Variants in CENPF observed in about 807,000 individuals in gnomAD.
CENPF encodes the protein AH antigen.
CENPF carries 214 observed loss-of-function variants against 307.3 expected under a neutral mutation model. The ratio of observed to expected loss-of-function variants is 0.70; its 90% confidence interval spans 0.62 to 0.78. The LOEUF is 0.78. CENPF is among the 30% of genes least tolerant of loss of function. The pLI, the probability that CENPF is intolerant of heterozygous loss-of-function variation, is 0.00. For synonymous variants in CENPF, 1,259 were observed against 1,270.6 expected, an observed-to-expected ratio of 0.99 and a Z score of 0.19; for missense variants, 3,401 against 3,483.9, an observed-to-expected ratio of 0.98 and a Z score of 0.60.
intron 19 of CENPF, 70 bp from the exon 20 acceptor site, chr1:214,663,521 A>G: frequency 1.4e-6 from 2 of 1,437,750 alleles, no homozygotes; most frequent in Non-Finnish European, 1.9e-6. Context: ...TTAGTGACAT[A>G]GTGCTTTATT....
In CENPF at chr1:214,637,966, T is replaced by C. The variant is rs1298659561; in HGVS notation, c.1547T>C (p.Leu516Ser). 1 of 1,611,730 alleles carries C rather than the reference T, an allele frequency of 6.2e-7. No homozygotes were observed. Among genetic ancestry groups the C allele is most frequent in the Non-Finnish European group, 8.5e-7 (1 of 1,179,570 alleles). ...EAELKNIKQC[L>S]NQSQNFAEEM... ...GAACTCAAGAACATCAAACAGTGTT[T>C]AAATCAGAGCCAGAATTTTGCAGAA... is the stretch of plus-strand genomic sequence containing the variant. Residue 516 changes from leucine (L) to serine (S), a missense_variant, in exon 11 of 20, where the codon TTA (leucine) becomes TCA (serine). Transcript: ENST00000366955.
At chr1:214,609,517 C>G (rs1386032011) in intron 1 of CENPF, among the ~76,000 whole-genome samples, 1 of 151,934 alleles carries the variant, frequency 6.6e-6, no homozygotes, top group Non-Finnish European at 1.5e-5. Flanking sequence ...TGCAGAATAT[C>G]TTGTCATGCA....
Position 214,650,571 on chromosome 1 carries a change from C to A in CENPF, c.7984-1139C>A, listed in dbSNP as rs550460468. Reference sequence around the variant, plus strand: ...TGATAAGGCAAACACCCAGGGGGGTCTCATGTTCTGGAAATCAAGAGGAAG... The same window carrying A: ...TGATAAGGCAAACACCCAGGGGGGTATCATGTTCTGGAAATCAAGAGGAAG... On this transcript the variant is annotated intron_variant, in intron 14 of 19. Coordinates refer to ENST00000366955, the MANE Select transcript of CENPF (RefSeq NM_016343.4). Among the ~76,000 whole-genome samples the A allele has an allele frequency of 2.2e-4, 33 of 152,120 alleles. 1 individual carries two copies. In the South Asian group the frequency reaches 6.7e-3, roughly 31 times the overall value.
At chr1:214,661,001 CA>C (rs1658774182) in intron 19 of CENPF, among the ~76,000 whole-genome samples, 1 of 152,158 alleles carries the variant, frequency 6.6e-6, no homozygotes, top group South Asian at 2.1e-4. Context: ...CATCACAAGT[CA>C]TTTTTTTTCT....
rs78873938 is a variant in CENPF at position 214,648,029 on chromosome 1, G to A, written c.7830+629G>A. ...AATTATTAAAGAAAAATTAAGTTTT[G>A]GCCCAGTGAGCTTACTTAGTGATCT... On this transcript the variant is annotated intron_variant, in intron 13 of 19. Coordinates refer to ENST00000366955, the MANE Select transcript of CENPF (RefSeq NM_016343.4). 1,721 of 468,890 alleles carry A rather than the reference G, an allele frequency of 3.7e-3. 28 individuals are homozygous for A. Among genetic ancestry groups the A allele is most frequent in the African/African-American group, 0.031 (1,595 of 50,904 alleles). The allele number at this position is 468,890 out of a possible 1,614,324, so 29.0% of individuals were successfully genotyped here. A position where few individuals can be genotyped will look rare whatever the true frequency, so the allele number is the denominator to read the frequency against.
In CENPF at chr1:214,658,987, G is replaced by T; in HGVS notation, c.9100G>T (p.Glu3034Ter). Residue 3034 changes from glutamate to a stop codon, truncating the protein, a stop_gained, in exon 19 of 20, where the codon GAG becomes TAG. Transcript: ENST00000366955. LOFTEE classifies it low-confidence loss of function (END_TRUNC). Reference sequence around the variant, plus strand: ...GAGTCTCGGCAAAGAAAATCTTGCAGAGTCCTCCAAACCAACAGCTGGTGG... The same window carrying T: ...GAGTCTCGGCAAAGAAAATCTTGCATAGTCCTCCAAACCAACAGCTGGTGG... ...PLSLGKENLA[E>*]SSKPTAGGSR... The T allele has an allele frequency of 6.2e-7, 1 of 1,614,114 alleles. No individual in the cohort carries two copies. Among genetic ancestry groups the T allele is most frequent in the East Asian group, 2.2e-5 (1 of 44,884 alleles).
chr1:214,638,107 A>T (rs1658012495), intron 11 of CENPF, 106 bp downstream of exon 11: 2 of 1,158,848 alleles, frequency 1.7e-6, no homozygotes, highest in Non-Finnish European at 2.4e-6. Context: ...TTTTTTTCAT[A>T]TATTCCCTCA....
At chr1:214,661,338 T>G (rs1571732130) in intron 19 of CENPF, among the ~76,000 whole-genome samples, 1 of 152,200 alleles carries the variant, frequency 6.6e-6, no homozygotes, top group East Asian at 1.9e-4. Context: ...AATTCAGCAT[T>G]TTCTGAGTTG....
chr1:214,656,880 G>C (rs1658647176), intron 17 of CENPF, 53 bp from the exon 18 acceptor site: 1 of 1,205,206 alleles, frequency 8.3e-7, no homozygotes, highest in Non-Finnish European at 1.2e-6. Flanking sequence ...GATGCCCATT[G>C]TTAACTAGAG....
chr1:214,613,447 A>G (rs975082363), intron 1 of CENPF: 3 of 212,588 alleles, frequency 1.4e-5, no homozygotes, highest in Admixed American at 5.9e-5. Flanking sequence ...ACTGAGCAAT[A>G]GAAAGCAGGT....
chr1:214,632,650 T>C (rs2102550433), intron 10 of CENPF, 48 bp downstream of exon 10: 2 of 1,602,682 alleles, frequency 1.2e-6, no homozygotes, highest in South Asian at 1.1e-5. Flanking sequence ...AAGAACCAAG[T>C]GCAAGGGGAA....
At position 214,620,668 on chromosome 1, in the gene CENPF, C is replaced by G. The variant is rs1345684085; in HGVS notation, c.587C>G (p.Thr196Ser). ...CTGTTTCTACAGAAAGCAAGCCAGA[C>G]TCTTCCACAAGCCACCATGAATCAC... ...KALQAKKASQ[T>S]LPQATMNHRD... is the part of the protein sequence containing the mutation. The change falls in exon 6 of 20, where the codon ACT becomes AGT. Residue 196 changes from threonine (T) to serine (S), a missense_variant. Transcript: ENST00000366955. 1 of 1,612,718 alleles carries G rather than the reference C, an allele frequency of 6.2e-7. No individual in the cohort carries two copies. The highest frequency in any genetic ancestry group is 8.5e-7 in the Non-Finnish European group (1 of 1,179,544).
chr1:214,637,247 A>G lies in CENPF; in HGVS notation c.1447-619A>G, dbSNP rs570621517. On this transcript the variant is annotated intron_variant, in intron 10 of 19. Transcript: ENST00000366955. ...AGCATATCCTATTGTGTATTAAATG[A>G]TTAGTATCACATCTTCCCCCACTGG... Among the ~76,000 whole-genome samples, 15 of 152,346 alleles carry G rather than the reference A, an allele frequency of 9.8e-5. No homozygotes were observed. The South Asian group carries it at 1.9e-3, about 19-fold the overall frequency.
chr1:214,643,402 A>G (rs952314728), intron 12 of CENPF, 78 bp downstream of exon 12: 11 of 1,210,840 alleles, frequency 9.1e-6, no homozygotes, highest in Non-Finnish European at 1.1e-5. Flanking sequence ...TCTAATTGAA[A>G]TGTACATTAA....
chr1:214,660,066 A>C (rs745835738), intron 19 of CENPF, among the ~76,000 whole-genome samples: 6 of 152,276 alleles, frequency 3.9e-5, no homozygotes, highest in Admixed American at 2.0e-4. Flanking sequence ...AAATATGAAC[A>C]CATTGGTGGT....
intron 18 of CENPF, among the ~76,000 whole-genome samples, chr1:214,658,369 G>A (rs533042550): frequency 2.0e-5 from 3 of 151,990 alleles, no homozygotes; most frequent in Non-Finnish European, 1.5e-5. Context: ...AGAAAGGTCA[G>A]TTTCTCTCCT....
chr1:214,664,119 TA>T lies in CENPF; in HGVS notation c.*332del, dbSNP rs1244964987. The T allele has an allele frequency of 2.5e-4, 48 of 191,004 alleles. No homozygotes were observed. The highest frequency in any genetic ancestry group is 3.4e-4 in the Non-Finnish European group (32 of 94,342). 11.8% of individuals were successfully genotyped at this position (191,004 alleles called of 1,614,324 possible). A position where few individuals can be genotyped will look rare whatever the true frequency, so the allele number is the denominator to read the frequency against. ...CTCTGTTTGTATGTGGGTTTTACACTAAAAAAATGCAAAACACATTTTATTC... is the reference window on the plus strand; with the variant it reads ...CTCTGTTTGTATGTGGGTTTTACACTAAAAAATGCAAAACACATTTTATTC... On this transcript the variant is annotated 3_prime_UTR_variant, in exon 20 of 20. Transcript: ENST00000366955.
chr1:214,642,738 G>A lies in CENPF; in HGVS notation c.4400G>A (p.Gly1467Asp), dbSNP rs1658161875. 2 of 1,614,138 alleles carry A rather than the reference G, an allele frequency of 1.2e-6. No homozygotes were observed. Among genetic ancestry groups the A allele is most frequent in the African/African-American group, 2.7e-5 (2 of 75,056 alleles). ...QGDLVKEMQL[G>D]LEEGLVPSLS... ...GACTTGGTGAAGGAGATGCAGCTGG[G>A]CTTGGAGGAGGGGCTCGTTCCATCC... Residue 1467 changes from glycine to aspartate, a missense_variant, in exon 12 of 20, where the codon GGC becomes GAC. Gly to Asp is a moderately conservative substitution (Grantham distance 94). Transcript: ENST00000366955.
intron 11 of CENPF, among the ~76,000 whole-genome samples, chr1:214,638,346 C>G (rs1195289617): frequency 1.4e-4 from 21 of 152,194 alleles, no homozygotes; most frequent in Non-Finnish European, 2.8e-4. Flanking sequence ...TAGTTACATC[C>G]AGACAGCTCA....
Sources: gnomAD v4.1 joint callset for allele counts (sites outside exome capture counted in the v4.1 genomes callset) on GRCh38, gnomAD v4.1.1 for gene constraint, MANE v1.5 for transcripts, NCBI Gene and HGNC (gene_info 2026-07-23, HGNC 2026-07-21) for gene names.